The following TXNRD1 variants were observed in gnomAD, a reference collection of about 807,000 sequenced individuals.
TXNRD1 encodes thioredoxin reductase 1.
A neutral mutation model predicts 80.3 loss-of-function variants in TXNRD1; 57 were observed. The ratio of observed to expected loss-of-function variants is 0.71; its 90% confidence interval spans 0.57 to 0.89. The LOEUF (loss-of-function observed/expected upper bound fraction) is 0.89. TXNRD1 is among the 40% of genes least tolerant of loss of function. The probability of loss-of-function intolerance (pLI) is 0.00; values close to 1 mark genes in which losing one functional copy is unlikely to be tolerated. For missense variants in TXNRD1, 730 were observed against 803.0 expected (o/e 0.91, Z 1.10); for synonymous variants, 291 against 285.2 (o/e 1.02, Z -0.20).
chr12:104,296,191 C>A (rs148048003), intron 4 of TXNRD1, among the ~76,000 whole-genome samples: 1 of 152,304 alleles, frequency 6.6e-6, no homozygotes, highest in Non-Finnish European at 1.5e-5. Context: ...GAGATACATG[C>A]TTGTGTCCTT....
chr12:104,262,434 T>C (rs1355462024), intron 3 of TXNRD1: 1 of 152,192 alleles, frequency 6.6e-6, no homozygotes, highest in African/African-American at 2.4e-5. Context: ...CTTGTAATCA[T>C]GGAGCTGGAA....
At chr12:104,318,335 C>G (rs934610573) in intron 7 of TXNRD1, among the ~76,000 whole-genome samples, 1 of 152,074 alleles carries the variant, frequency 6.6e-6, no homozygotes, top group Non-Finnish European at 1.5e-5. Flanking sequence ...CCGTAAAAGG[C>G]CATATGGTAA....
chr12:104,339,224 C>T lies in TXNRD1; in HGVS notation c.1832C>T (p.Thr611Ile). ...GCAGCTGCGCTCAAATGTGGACTGA[C>T]CAAAAAGCAGCTGGACAGCACAATT... is the stretch of plus-strand genomic sequence containing the variant. ...GFAAALKCGL[T>I]KKQLDSTIGI... Residue 611 changes from threonine (T) to isoleucine (I), a missense_variant, in exon 16 of 17, where the codon ACC (threonine) becomes ATC (isoleucine). By Grantham distance (89) the Thr-to-Ile change is moderately conservative. Coordinates refer to ENST00000525566, the MANE Select transcript of TXNRD1 (RefSeq NM_001093771.3). 1.2e-6 allele frequency: 2 copies of T among 1,613,892 alleles called. No individual in the cohort carries two copies. The highest frequency in any genetic ancestry group is 8.5e-7 in the Non-Finnish European group (1 of 1,179,864).
At chr12:104,301,973 T>G (rs1436053841) in intron 4 of TXNRD1, among the ~76,000 whole-genome samples, 1 of 152,234 alleles carries the variant, frequency 6.6e-6, no homozygotes, top group Non-Finnish European at 1.5e-5. Context: ...TTGCAGTAGA[T>G]GCTGGGATAG....
intron 9 of TXNRD1, among the ~76,000 whole-genome samples, chr12:104,320,083 AG>A (rs938781428): frequency 4.1e-4 from 62 of 152,336 alleles, no homozygotes; most frequent in African/African-American, 1.5e-3. Flanking sequence ...GAATGGTTGC[AG>A]TGTCAGTGTA....
intron 4 of TXNRD1, chr12:104,309,863 G>A: frequency 6.5e-7 from 1 of 1,535,774 alleles, no homozygotes; most frequent in Non-Finnish European, 8.7e-7. Context: ...TGTCAGAGTG[G>A]TGCAGTCTTG....
At chr12:104,249,802 G>A (rs1443474236) in intron 1 of TXNRD1, among the ~76,000 whole-genome samples, 1 of 151,898 alleles carries the variant, frequency 6.6e-6, no homozygotes, top group Non-Finnish European at 1.5e-5. Context: ...GGGCGTGGTG[G>A]CAGGCGCCTG....
At chr12:104,255,843 T>G (rs1208792677) in intron 2 of TXNRD1, among the ~76,000 whole-genome samples, 2 of 152,190 alleles carry the variant, frequency 1.3e-5, no homozygotes, top group East Asian at 3.8e-4. Flanking sequence ...AATATCATTA[T>G]CCAAACAATC....
chr12:104,338,115 C>T (rs2135881723), intron 15 of TXNRD1, among the ~76,000 whole-genome samples: 1 of 151,738 alleles, frequency 6.6e-6, no homozygotes, highest in East Asian at 1.9e-4. Context: ...ATTTGAATGA[C>T]TACTCTTAAG....
Position 104,313,196 on chromosome 12 carries a change from A to G in TXNRD1, c.538-49A>G, listed in dbSNP as rs561020634. Reference sequence around the variant, plus strand: ...ATGGATTTTTAACAGCCCATTTCCAATCTGTCATGTTAACCTTTCCAACTC... The same window carrying G: ...ATGGATTTTTAACAGCCCATTTCCAGTCTGTCATGTTAACCTTTCCAACTC... On this transcript the variant is annotated intron_variant, in intron 5 of 16. Coordinates refer to ENST00000525566, the MANE Select transcript of TXNRD1 (RefSeq NM_001093771.3). 76 of 1,456,278 alleles carry G rather than the reference A, an allele frequency of 5.2e-5. No individual in the cohort carries two copies. In the Middle Eastern group the frequency reaches 6.9e-4, roughly 13 times the overall value. 90.2% of individuals were successfully genotyped at this position (1,456,278 alleles called of 1,614,324 possible).
intron 4 of TXNRD1, chr12:104,304,524 A>G (rs2034803979): frequency 1.2e-6 from 2 of 1,614,068 alleles, no homozygotes; most frequent in East Asian, 4.5e-5. Context: ...AAGATGGAAG[A>G]AAATGGCAAC....
intron 4 of TXNRD1, chr12:104,304,030 T>C: frequency 6.2e-7 from 1 of 1,613,108 alleles, no homozygotes; most frequent in Non-Finnish European, 8.5e-7. Context: ...AGCTCACCGC[T>C]GACGAGGAGA....
chr12:104,231,406 G>T (rs1021952085), intron 1 of TXNRD1, among the ~76,000 whole-genome samples: 2 of 152,170 alleles, frequency 1.3e-5, no homozygotes, highest in Non-Finnish European at 2.9e-5. Context: ...GCTTCTAGGC[G>T]AGAGGAAACA....
At chr12:104,267,283 C>CTTTCTTTCTTTCTTTCTTTCTTTCTTTT (rs1555209188) in intron 3 of TXNRD1, among the ~76,000 whole-genome samples, 1 of 119,130 alleles carries the variant, frequency 8.4e-6, no homozygotes. Context: ...TTCTTTCTTT[C>CTTTCTTTCTTTCTTTCTTTCTTTCTTTT]CTCTTTCTGT....
intron 3 of TXNRD1, chr12:104,265,177 G>A (rs960531614): frequency 1.2e-6 from 1 of 809,544 alleles, no homozygotes; most frequent in Non-Finnish European, 2.0e-6. Flanking sequence ...GCTTGAACCC[G>A]GGAGGTGGAG....
chr12:104,246,180 C>G (rs1225338419), intron 1 of TXNRD1, among the ~76,000 whole-genome samples: 1 of 146,286 alleles, frequency 6.8e-6, no homozygotes, highest in Non-Finnish European at 1.5e-5. Context: ...GTAATCCCAG[C>G]GCTTTGGGAG....
At chr12:104,272,331 C>T (rs760966761) in intron 3 of TXNRD1, among the ~76,000 whole-genome samples, 14 of 151,996 alleles carry the variant, frequency 9.2e-5, no homozygotes, top group Admixed American at 2.6e-4. Flanking sequence ...AAGAGAGGGA[C>T]AGGGTGAGTG....
intron 16 of TXNRD1, among the ~76,000 whole-genome samples, chr12:104,342,219 C>CTACCTCTGATGACATGGTTGG: frequency 6.6e-6 from 1 of 152,254 alleles, no homozygotes; most frequent in East Asian, 1.9e-4. Flanking sequence ...GCTAAAAATT[C>CTACCTCTGATGACATGGTTGG]TACCTCTGAT....
At chr12:104,255,972 A>C (rs2033240526) in intron 2 of TXNRD1, among the ~76,000 whole-genome samples, 1 of 152,202 alleles carries the variant, frequency 6.6e-6, no homozygotes, top group Non-Finnish European at 1.5e-5. Flanking sequence ...TTGGCCATGA[A>C]AGATGATTAG....
Sources: gnomAD v4.1 joint callset for allele counts (sites outside exome capture counted in the v4.1 genomes callset) on GRCh38, gnomAD v4.1.1 for gene constraint, MANE v1.5 for transcripts, NCBI Gene and HGNC (gene_info 2026-07-23, HGNC 2026-07-21) for gene names.